Variants in CELF4 observed in about 807,000 individuals in gnomAD.
CELF4 encodes the protein CUGBP Elav-like family member 4.
Under a neutral mutation model 59.9 loss-of-function variants are expected in CELF4, and 18 were observed. That is an observed-to-expected ratio of 0.30 (90% CI 0.21 to 0.45). CELF4 has a LOEUF of 0.45. Ranked by LOEUF, CELF4 falls within the 20% of genes least tolerant of loss-of-function variation. The pLI is 1.00. For synonymous variants in CELF4, 261 were observed against 267.1 expected (o/e 0.98, Z 0.22); for missense variants, 456 against 689.0 (o/e 0.66, Z 3.79).
chr18:37,434,433 G>A (rs996608632), intron 2 of CELF4, among the ~76,000 whole-genome samples: 1 of 152,194 alleles, frequency 6.6e-6, no homozygotes. Flanking sequence ...GTCAGGGGCT[G>A]GTACCAGTCA....
At chr18:37,451,137 C>T (rs1454213924) in intron 2 of CELF4, among the ~76,000 whole-genome samples, 7 of 152,210 alleles carry the variant, frequency 4.6e-5, no homozygotes, top group South Asian at 2.1e-4. Flanking sequence ...AGCTGCCCCC[C>T]GTCCCACTGC....
At chr18:37,249,273 G>A (rs1257142894) in intron 12 of CELF4, among the ~76,000 whole-genome samples, 1 of 152,142 alleles carries the variant, frequency 6.6e-6, no homozygotes, top group East Asian at 1.9e-4. Context: ...AGAGGCCTAA[G>A]GAACTAAGGA....
At chr18:37,426,411 AG>A (rs1313296766) in intron 2 of CELF4, among the ~76,000 whole-genome samples, 2 of 152,082 alleles carry the variant, frequency 1.3e-5, no homozygotes, top group Non-Finnish European at 2.9e-5. Flanking sequence ...GTGGCTGGGG[AG>A]GGGACACAGA....
chr18:37,383,874 G>T (rs1245104814), intron 2 of CELF4, among the ~76,000 whole-genome samples: 1 of 152,198 alleles, frequency 6.6e-6, no homozygotes, highest in African/African-American at 2.4e-5. Context: ...GAAGGCGGCA[G>T]ACCCTCAGCG....
At chr18:37,472,404 G>A (rs957422228) in intron 2 of CELF4, among the ~76,000 whole-genome samples, 1 of 152,264 alleles carries the variant, frequency 6.6e-6, no homozygotes, top group Non-Finnish European at 1.5e-5. Context: ...GCAGCCAGGG[G>A]CCGGGGATGG....
At position 37,488,809 on chromosome 18, in the gene CELF4, G is replaced by A. The variant is rs151143478; in HGVS notation, c.287-3202C>T. On this transcript the variant is annotated intron_variant, in intron 1 of 12. Coordinates refer to ENST00000420428, the MANE Select transcript of CELF4 (RefSeq NM_020180.4). ...CTTCCCTTTTCGGGTTCAGAGAGGA[G>A]GTGGAAAGGGAATGTATTTGTGAAA... 1.1e-3 allele frequency among the ~76,000 whole-genome samples: 162 copies of A among 152,308 alleles called. 1 individual carries two copies. The highest frequency in any genetic ancestry group is 3.8e-3 in the African/African-American group (159 of 41,560).
At chr18:37,539,987 C>T (rs1270539031) in intron 1 of CELF4, among the ~76,000 whole-genome samples, 2 of 152,202 alleles carry the variant, frequency 1.3e-5, no homozygotes, top group African/African-American at 4.8e-5. Context: ...CCAATTATAA[C>T]AGTGCATATG....
intron 10 of CELF4, among the ~76,000 whole-genome samples, chr18:37,259,764 C>A (rs1385623408): frequency 1.3e-5 from 2 of 152,198 alleles, no homozygotes; most frequent in African/African-American, 4.8e-5. Context: ...TTGGGGTGCC[C>A]ATCCTCCCCC....
chr18:37,523,658 G>A (rs780496138), intron 1 of CELF4, among the ~76,000 whole-genome samples: 1 of 152,206 alleles, frequency 6.6e-6, no homozygotes, highest in Non-Finnish European at 1.5e-5. Context: ...GTCTTGGGGA[G>A]GGCTTGAGAC....
At chr18:37,562,639 C>T (rs1441288905) in intron 1 of CELF4, among the ~76,000 whole-genome samples, 1 of 152,178 alleles carries the variant, frequency 6.6e-6, no homozygotes, top group Non-Finnish European at 1.5e-5. Context: ...TCTGACTTAA[C>T]AGTAATTAAT....
At chr18:37,269,640 T>A (rs942387981) in intron 8 of CELF4, among the ~76,000 whole-genome samples, 1 of 152,174 alleles carries the variant, frequency 6.6e-6, no homozygotes, top group African/African-American at 2.4e-5. Context: ...GTGTTCCCTG[T>A]TCATCTTCAC....
chr18:37,514,177 G>A (rs1356193698), intron 1 of CELF4, among the ~76,000 whole-genome samples: 1 of 152,074 alleles, frequency 6.6e-6, no homozygotes, highest in African/African-American at 2.4e-5. Flanking sequence ...CAAACAACTA[G>A]AGGCTCTGAT....
At chr18:37,529,910 G>A (rs1046045077) in intron 1 of CELF4, among the ~76,000 whole-genome samples, 1 of 152,202 alleles carries the variant, frequency 6.6e-6, no homozygotes, top group Non-Finnish European at 1.5e-5. Context: ...AGACCTGCAA[G>A]TTTGGTCCTG....
chr18:37,521,528 G>A (rs2099957419), intron 1 of CELF4, among the ~76,000 whole-genome samples: 1 of 152,054 alleles, frequency 6.6e-6, no homozygotes, highest in South Asian at 2.1e-4. Flanking sequence ...AAGATTTTCT[G>A]TCCTCTACGT....
chr18:37,437,974 A>T (rs768591538), intron 2 of CELF4, among the ~76,000 whole-genome samples: 171 of 152,262 alleles, frequency 1.1e-3, no homozygotes, highest in Non-Finnish European at 2.0e-3. Context: ...TAGTGTCCTT[A>T]ACAGAATAGA....
At chr18:37,276,817 A>G (rs2093370156) in intron 3 of CELF4, among the ~76,000 whole-genome samples, 1 of 152,236 alleles carries the variant, frequency 6.6e-6, no homozygotes, top group African/African-American at 2.4e-5. Flanking sequence ...GGCTGCACTC[A>G]GCAGGCACTC....
intron 2 of CELF4, among the ~76,000 whole-genome samples, chr18:37,454,016 G>C (rs2154601818): frequency 6.6e-6 from 1 of 152,188 alleles, no homozygotes; most frequent in South Asian, 2.1e-4. Context: ...TTTGGACTGA[G>C]CTGCCTTCTC....
intron 2 of CELF4, among the ~76,000 whole-genome samples, chr18:37,414,164 T>C (rs2099501546): frequency 6.6e-6 from 1 of 152,126 alleles, no homozygotes; most frequent in South Asian, 2.1e-4. Flanking sequence ...TAATGCCAGT[T>C]TCAAGTTTCT....
intron 1 of CELF4, among the ~76,000 whole-genome samples, chr18:37,536,389 T>C (rs943354310): frequency 1.3e-5 from 2 of 151,942 alleles, no homozygotes; most frequent in Admixed American, 1.3e-4. Flanking sequence ...TTCTCTAGAG[T>C]CTGACTCTCT....
Sources: gnomAD v4.1 joint callset for allele counts (sites outside exome capture counted in the v4.1 genomes callset) on GRCh38, gnomAD v4.1.1 for gene constraint, MANE v1.5 for transcripts, NCBI Gene and HGNC (gene_info 2026-07-23, HGNC 2026-07-21) for gene names.